Variants in TPR observed in about 807,000 individuals in gnomAD.
The protein encoded by TPR is nucleoprotein TPR.
Under a neutral mutation model 316.1 loss-of-function variants are expected in TPR, and 51 were observed. The observed-to-expected ratio is 0.16, with a 90% CI of 0.13 to 0.20. TPR has a LOEUF of 0.20. TPR is among the 10% of genes least tolerant of loss of function. The probability of loss-of-function intolerance (pLI) is 1.00; values close to 1 mark genes in which losing one functional copy is unlikely to be tolerated. For synonymous variants in TPR, 981 were observed against 914.7 expected (o/e 1.07, Z -1.31); for missense variants, 2,272 against 2,754.8 (o/e 0.82, Z 3.92).
intron 48 of TPR, 52 bp downstream of exon 48, chr1:186,318,395 G>A: frequency 6.5e-7 from 1 of 1,545,066 alleles, no homozygotes; most frequent in Non-Finnish European, 8.7e-7. Context: ...GAAAACAAAT[G>A]TACAAGTCTG....
At chr1:186,352,962 T>C (rs1039379118) in intron 18 of TPR, among the ~76,000 whole-genome samples, 1 of 152,122 alleles carries the variant, frequency 6.6e-6, no homozygotes, top group African/African-American at 2.4e-5. Context: ...ACTAAGTATT[T>C]AGTTAAAAGT....
intron 36 of TPR, among the ~76,000 whole-genome samples, chr1:186,334,038 T>C (rs1158165702): frequency 1.3e-5 from 2 of 152,100 alleles, no homozygotes; most frequent in African/African-American, 4.8e-5. Flanking sequence ...AAGAGTGTCA[T>C]GGGAAAAAAT....
At chr1:186,347,505 T>C (rs758404056) in intron 21 of TPR, 47 bp from the exon 22 acceptor site, 7 of 1,581,610 alleles carry the variant, frequency 4.4e-6, no homozygotes, top group Non-Finnish European at 5.2e-6. Context: ...TCAATAGTAT[T>C]AGAGATGACT....
chr1:186,340,143 T>C (rs1369109742), intron 29 of TPR, among the ~76,000 whole-genome samples: 5 of 152,214 alleles, frequency 3.3e-5, no homozygotes, highest in Admixed American at 2.6e-4. Context: ...GACAATGCAT[T>C]ACAAGTTAAA....
intron 14 of TPR, among the ~76,000 whole-genome samples, chr1:186,356,817 C>G (rs776907088): frequency 6.6e-6 from 1 of 152,264 alleles, no homozygotes; most frequent in African/African-American, 2.4e-5. Flanking sequence ...TCCATGAAGC[C>G]GGTCTGCTCC....
intron 31 of TPR, among the ~76,000 whole-genome samples, chr1:186,337,670 A>G (rs1658380932): frequency 6.6e-6 from 1 of 152,090 alleles, no homozygotes; most frequent in Admixed American, 6.6e-5. Context: ...TATAAATATA[A>G]CAAAGATTTC....
intron 18 of TPR, 42 bp from the exon 19 acceptor site, chr1:186,352,152 T>C (rs775715223): frequency 1.4e-5 from 22 of 1,549,464 alleles, no homozygotes; most frequent in South Asian, 2.4e-5. Flanking sequence ...CTGAAAAACA[T>C]GGTGTCAAGT....
chr1:186,362,215 T>A (rs575811670), intron 7 of TPR, 73 bp downstream of exon 7: 82 of 1,263,388 alleles, frequency 6.5e-5, no homozygotes, highest in Non-Finnish European at 9.1e-5. Context: ...AAAAATGACA[T>A]CATTTTGTGA....
chr1:186,339,874 T>C, intron 29 of TPR, 102 bp from the exon 30 acceptor site: 1 of 990,364 alleles, frequency 1.0e-6, no homozygotes. Context: ...TTAGGTGTCC[T>C]GCATGTAAAG....
rs1657396256 is a variant in TPR at position 186,312,992 on chromosome 1, G to C, written c.*979C>G. 6 of 1,273,194 alleles carry C rather than the reference G, an allele frequency of 4.7e-6. No individual in the cohort carries two copies. The East Asian group carries it at 1.2e-4, about 25-fold the overall frequency. The allele number at this position is 1,273,194 out of a possible 1,614,324, so 78.9% of individuals were successfully genotyped here. A position where few individuals can be genotyped will look rare whatever the true frequency, so the allele number is the denominator to read the frequency against. ...TGGCTGCAATGATGACTGAATGTGA[G>C]AAGTTACACTACGGTACTTATTCTA... is the stretch of plus-strand genomic sequence containing the variant. On this transcript the variant is annotated 3_prime_UTR_variant, in exon 51 of 51. Coordinates refer to ENST00000367478, the MANE Select transcript of TPR (RefSeq NM_003292.3).
chr1:186,334,958 A>G, intron 35 of TPR, 110 bp downstream of exon 35: 1 of 1,100,762 alleles, frequency 9.1e-7, no homozygotes, highest in South Asian at 1.6e-5. Context: ...TCTTTAGTGT[A>G]TGTTTTTACA....
At chr1:186,334,149 T>C (rs566145731) in intron 36 of TPR, among the ~76,000 whole-genome samples, 176 bp downstream of exon 36, 1 of 152,290 alleles carries the variant, frequency 6.6e-6, no homozygotes, top group East Asian at 1.9e-4. Context: ...ATATTCTTTG[T>C]CATTACAAGT....
chr1:186,364,728 C>T (rs544832116), intron 4 of TPR, among the ~76,000 whole-genome samples: 1 of 152,232 alleles, frequency 6.6e-6, no homozygotes, highest in South Asian at 2.1e-4. Context: ...GCAGATGCTG[C>T]TAAGAAAATC....
chr1:186,358,661 T>TA lies in TPR; in HGVS notation c.1390-12dup. On this transcript the variant is annotated splice_polypyrimidine_tract_variant and intron_variant, in intron 12 of 50. Transcript: ENST00000367478. ...CAATCGCTGAATCTCCTTTAAAATG[T>TA]AAATTCAAGTGAAAATTTTGTACTT... is the stretch of plus-strand genomic sequence containing the variant. 1 of 1,607,550 alleles carries TA rather than the reference T, an allele frequency of 6.2e-7. No homozygotes were observed. Among genetic ancestry groups the TA allele is most frequent in the Non-Finnish European group, 8.5e-7 (1 of 1,177,122 alleles).
Position 186,357,419 on chromosome 1 carries a change from C to T in TPR, c.1702G>A (p.Glu568Lys), listed in dbSNP as rs1309094290. The change falls in exon 14 of 51, where the codon GAA becomes AAA. Residue 568 changes from glutamate (E) to lysine (K), a missense_variant. Transcript: ENST00000367478. ...TACTTGGATGAAGTTGTTTCTTGTTCTTCTCTTTCTCTGGTTTCCCCAAGC... is the reference window on the plus strand; with the variant it reads ...TACTTGGATGAAGTTGTTTCTTGTTTTTCTCTTTCTCTGGTTTCCCCAAGC... ...RELGETRERE[E>K]QETTSSKITE... is the part of the protein sequence containing the mutation. The T allele has an allele frequency of 1.2e-6, 2 of 1,613,800 alleles. No homozygotes were observed. The highest frequency in any genetic ancestry group is 1.7e-6 in the Non-Finnish European group (2 of 1,179,916).
intron 39 of TPR, among the ~76,000 whole-genome samples, chr1:186,328,815 T>G (rs557069808): frequency 2.7e-3 from 404 of 152,342 alleles, no homozygotes; most frequent in Admixed American, 4.4e-3. Context: ...ACAATTCTAT[T>G]TTGTTAACTA....
chr1:186,338,009 G>T (rs1558006163), intron 31 of TPR, 24 bp downstream of exon 31: 7 of 1,514,148 alleles, frequency 4.6e-6, no homozygotes, highest in East Asian at 4.7e-5. Context: ...GTTTTTTTTT[G>T]TAAGATAAGT....
At position 186,326,139 on chromosome 1, in the gene TPR, C is replaced by T. The variant is rs755986460; in HGVS notation, c.5986G>A (p.Asp1996Asn). The change falls in exon 41 of 51, where the codon GAT (aspartate) becomes AAT (asparagine). Residue 1996 changes from aspartate to asparagine, a missense_variant. This residue lies in a region of TPR where 435 missense variants were observed against 461.1 expected (regional missense o/e 0.94). Coordinates refer to ENST00000367478, the MANE Select transcript of TPR (RefSeq NM_003292.3). ...TCAGCTTCATAACCATCATTGCCAT[C>T]GGCACTACCAGTTCCTTCATTACTA... ...EDSNEGTGSA[D>N]GNDGYEADDA... 1.5e-5 allele frequency: 24 copies of T among 1,612,384 alleles called. No homozygotes were observed. The highest frequency in any genetic ancestry group is 1.7e-4 in the Middle Eastern group (1 of 6,058).
chr1:186,325,924 T>TAACCA, intron 41 of TPR, 70 bp from the exon 42 acceptor site: 1 of 1,576,728 alleles, frequency 6.3e-7, no homozygotes, highest in Non-Finnish European at 8.6e-7. Context: ...ACAGAATAAT[T>TAACCA]AACCAAACCA....
Sources: gnomAD v4.1 joint callset for allele counts (sites outside exome capture counted in the v4.1 genomes callset) on GRCh38, gnomAD v4.1.1 for gene constraint, gnomAD v4.1.1 regional missense constraint, MANE v1.5 for transcripts, NCBI Gene and HGNC (gene_info 2026-07-23, HGNC 2026-07-21) for gene names.